TM9SF3: variants seen among roughly 807,000 people sequenced by gnomAD.
TM9SF3 encodes the protein SM-11044-binding protein.
TM9SF3 carries 14 observed loss-of-function variants against 78.6 expected under a neutral mutation model. The ratio of observed to expected loss-of-function variants is 0.18; its 90% CI spans 0.12 to 0.28. The LOEUF (loss-of-function observed/expected upper bound fraction) is 0.28. Ranked by LOEUF, TM9SF3 falls within the 10% of genes least tolerant of loss-of-function variation. The pLI is 1.00. For synonymous variants in TM9SF3, 231 were observed against 241.7 expected, an observed-to-expected ratio of 0.96 and a Z score of 0.41; for missense variants, 496 against 721.9, an observed-to-expected ratio of 0.69 and a Z score of 3.59.
At chr10:96,523,037 G>C (rs1847797442) in intron 14 of TM9SF3, among the ~76,000 whole-genome samples, 1 of 151,850 alleles carries the variant, frequency 6.6e-6, no homozygotes, top group African/African-American at 2.4e-5. Flanking sequence ...GTCTAAAAGA[G>C]TGCCTGGCAT....
chr10:96,550,825 T>C (rs1848161018), intron 7 of TM9SF3, among the ~76,000 whole-genome samples: 2 of 152,172 alleles, frequency 1.3e-5, no homozygotes, highest in African/African-American at 4.8e-5. Flanking sequence ...TTATTTACAA[T>C]GTTTTCTTCT....
At position 96,586,782 on chromosome 10, in the gene TM9SF3, C is replaced by T; in HGVS notation, c.54G>A (p.Leu18=). Residue 18 remains leucine, a synonymous_variant, in exon 1 of 15, where the codon CTG becomes CTA. Transcript: ENST00000371142. ...GGGTCCGGGGCAGCAGCAGCAGCAG[C>T]AGCCACAGCGCGGCGGCCGCCGCCA... is the stretch of plus-strand genomic sequence containing the variant. ...LGVAAAAALW[L]LLLLLPRTRA... is the part of the protein sequence containing the mutation. 1 of 1,288,968 alleles carries T rather than the reference C, an allele frequency of 7.8e-7. No individual in the cohort carries two copies. Among genetic ancestry groups the T allele is most frequent in the African/African-American group, 1.5e-5 (1 of 64,966 alleles). 79.8% of individuals were successfully genotyped at this position (1,288,968 alleles called of 1,614,324 possible).
chr10:96,552,449 T>G (rs964244127), intron 6 of TM9SF3, among the ~76,000 whole-genome samples: 1 of 152,156 alleles, frequency 6.6e-6, no homozygotes. Flanking sequence ...TTTCCTAAAT[T>G]TATTTAATGA....
intron 1 of TM9SF3, among the ~76,000 whole-genome samples, chr10:96,578,615 C>A (rs1180147887): frequency 6.6e-6 from 1 of 152,202 alleles, no homozygotes; most frequent in Non-Finnish European, 1.5e-5. Flanking sequence ...TTTGGGGAGA[C>A]TGACAAATAT....
chr10:96,530,581 G>A lies in TM9SF3; in HGVS notation c.1353C>T (p.Cys451=). ...KWFMEPAVIV[C]LGGILPFGSI... Reference sequence around the variant, plus strand: ...AACCAAAAGGTAAAATTCCACCCAGGCAAACAATAACCGCAGGCTCCATGA... The same window carrying A: ...AACCAAAAGGTAAAATTCCACCCAGACAAACAATAACCGCAGGCTCCATGA... Residue 451 remains cysteine, a synonymous_variant, in exon 11 of 15, where the codon TGC becomes TGT. Coordinates refer to ENST00000371142, the MANE Select transcript of TM9SF3 (RefSeq NM_020123.4). 1.2e-6 allele frequency: 2 copies of A among 1,611,966 alleles called. No homozygotes were observed. The highest frequency in any genetic ancestry group is 2.2e-5 in the East Asian group (1 of 44,728).
chr10:96,551,115 T>C, intron 7 of TM9SF3, 130 bp downstream of exon 7: 1 of 813,586 alleles, frequency 1.2e-6, no homozygotes, highest in South Asian at 2.0e-5. Context: ...TCTGCATTTA[T>C]GATATTTATC....
intron 9 of TM9SF3, among the ~76,000 whole-genome samples, chr10:96,537,554 C>T (rs555760860): frequency 2.0e-5 from 3 of 152,240 alleles, no homozygotes; most frequent in East Asian, 3.9e-4. Context: ...TAAAAATGGC[C>T]GGGCATGGTG....
chr10:96,551,757 G>A (rs773707368), intron 6 of TM9SF3, among the ~76,000 whole-genome samples: 7 of 152,108 alleles, frequency 4.6e-5, no homozygotes, highest in Non-Finnish European at 8.8e-5. Context: ...CATCATAGCT[G>A]TAGCTCATAT....
chr10:96,531,379 A>G (rs1847891981), intron 10 of TM9SF3, among the ~76,000 whole-genome samples: 1 of 138,252 alleles, frequency 7.2e-6, no homozygotes, highest in African/African-American at 2.5e-5. Context: ...TTCCAAATAC[A>G]TGTGTGTACA....
Position 96,522,048 on chromosome 10 carries a change from C to T in TM9SF3, c.*215G>A. The T allele has an allele frequency of 1.8e-6, 1 of 541,714 alleles. No individual in the cohort carries two copies. 33.6% of individuals were successfully genotyped at this position (541,714 alleles called of 1,614,324 possible). A position where few individuals can be genotyped will look rare whatever the true frequency, so the allele number is the denominator to read the frequency against. On this transcript the variant is annotated 3_prime_UTR_variant, in exon 15 of 15. Coordinates refer to ENST00000371142, the MANE Select transcript of TM9SF3 (RefSeq NM_020123.4). ...TGTAGTAATGCCTACTGCATAAAAT[C>T]CAAGCATTTGCTGTGAACAGTTGGA...
At chr10:96,534,025 G>A (rs12269502) in intron 9 of TM9SF3, among the ~76,000 whole-genome samples, 5,030 of 152,212 alleles carry the variant, frequency 0.033, 278 homozygotes, top group African/African-American at 0.11. Flanking sequence ...ATACACTTTA[G>A]GTTATAATAA....
intron 14 of TM9SF3, 84 bp from the exon 15 acceptor site, chr10:96,522,414 T>C: frequency 9.5e-7 from 1 of 1,056,952 alleles, no homozygotes; most frequent in Non-Finnish European, 1.3e-6. Flanking sequence ...CTCTATGCTC[T>C]GGAAAGTTAT....
intron 9 of TM9SF3, among the ~76,000 whole-genome samples, chr10:96,541,881 T>A (rs138558194): frequency 6.6e-6 from 1 of 152,218 alleles, no homozygotes; most frequent in African/African-American, 2.4e-5. Flanking sequence ...ACATGGCACC[T>A]ATGGTCTGGG....
At chr10:96,583,944 G>A (rs143656274) in intron 1 of TM9SF3, among the ~76,000 whole-genome samples, 2 of 152,178 alleles carry the variant, frequency 1.3e-5, no homozygotes, top group South Asian at 2.1e-4. Flanking sequence ...TGAGGCAGGA[G>A]AATTGCTTGA....
chr10:96,541,457 C>T (rs1848030613), intron 9 of TM9SF3, among the ~76,000 whole-genome samples: 1 of 151,992 alleles, frequency 6.6e-6, no homozygotes. Flanking sequence ...CTCACTGCAA[C>T]CTCCGCCTCC....
chr10:96,586,568 C>A (rs1241884865), intron 1 of TM9SF3, among the ~76,000 whole-genome samples, 166 bp downstream of exon 1: 1 of 151,930 alleles, frequency 6.6e-6, no homozygotes, highest in Non-Finnish European at 1.5e-5. Context: ...GGAAATGCCT[C>A]CTCCACGCTC....
chr10:96,528,002 C>G, intron 12 of TM9SF3, 29 bp downstream of exon 12: 1 of 1,591,164 alleles, frequency 6.3e-7, no homozygotes, highest in Non-Finnish European at 8.6e-7. Flanking sequence ...TATGGTTCCC[C>G]AAATTTCTAT....
At chr10:96,576,550 C>T in intron 2 of TM9SF3, 84 bp downstream of exon 2, 1 of 1,259,060 alleles carries the variant, frequency 7.9e-7, no homozygotes, top group Non-Finnish European at 1.1e-6. Flanking sequence ...AAGAATTATC[C>T]AACACCAGTG....
At chr10:96,572,731 T>G (rs1237455229) in intron 2 of TM9SF3, among the ~76,000 whole-genome samples, 1 of 151,896 alleles carries the variant, frequency 6.6e-6, no homozygotes. Context: ...GGTTTCACCG[T>G]GGTCTCGACC....
Sources: gnomAD v4.1 joint callset for allele counts (sites outside exome capture counted in the v4.1 genomes callset) on GRCh38, gnomAD v4.1.1 for gene constraint, MANE v1.5 for transcripts, NCBI Gene and HGNC (gene_info 2026-07-23, HGNC 2026-07-21) for gene names.